Variants in PARD3B observed in about 807,000 individuals in gnomAD.
The protein encoded by PARD3B is partitioning defective 3 homolog B.
PARD3B carries 103 observed loss-of-function variants against 130.2 expected under a neutral mutation model. That is an observed-to-expected ratio of 0.79 (90% CI 0.67 to 0.93). PARD3B has a LOEUF of 0.93. Ranked by LOEUF, PARD3B falls within the 40% of genes least tolerant of loss-of-function variation. The pLI, the probability that PARD3B is intolerant of heterozygous loss-of-function variation, is 0.00. For synonymous variants in PARD3B, 583 were observed against 553.2 expected (o/e 1.05, Z -0.76); for missense variants, 1,609 against 1,499.2 (o/e 1.07, Z -1.21).
chr2:204,545,553 GCGCCGC>G lies in PARD3B; in HGVS notation c.-433_-428del, dbSNP rs906253901. On this transcript the variant is annotated 5_prime_UTR_variant, in exon 1 of 23. Coordinates refer to ENST00000406610, the MANE Select transcript of PARD3B (RefSeq NM_001302769.2). ...AGTTTCCTCCCAACTCTGGCCCCGTGCGCCGCCGCCGCCGCCGCCCACTCCAGCCCC... is the reference window on the plus strand; with the variant it reads ...AGTTTCCTCCCAACTCTGGCCCCGTGCGCCGCCGCCGCCCACTCCAGCCCC... 6.6e-6 allele frequency among the ~76,000 whole-genome samples: 1 copy of G among 151,950 alleles called. No individual in the cohort carries two copies. Among genetic ancestry groups the G allele is most frequent in the African/African-American group, 2.4e-5 (1 of 41,416 alleles).
chr2:205,178,730 C>T (rs2035625961), intron 13 of PARD3B, among the ~76,000 whole-genome samples: 1 of 152,176 alleles, frequency 6.6e-6, no homozygotes, highest in African/African-American at 2.4e-5. Flanking sequence ...TAAATGAACA[C>T]TAAGTACCTT....
Position 205,244,530 on chromosome 2 carries a change from T to G in PARD3B, c.2141-1248T>G, listed in dbSNP as rs527846613. Among the ~76,000 whole-genome samples, 1 of 152,330 alleles carries G rather than the reference T, an allele frequency of 6.6e-6. No homozygotes were observed. Among genetic ancestry groups the G allele is most frequent in the South Asian group, 2.1e-4 (1 of 4,830 alleles). On this transcript the variant is annotated intron_variant, in intron 15 of 22. Coordinates refer to ENST00000406610, the MANE Select transcript of PARD3B (RefSeq NM_001302769.2). This position sits in a 1 kb window ranked among gnomAD's most constrained non-coding sequence, Gnocchi z 4.7. ...TAGTATCTGGGTAACACTAGCCTCA[T>G]AGAGTGGCTTGGGAAATCCTCTCTC...
intron 18 of PARD3B, among the ~76,000 whole-genome samples, chr2:205,377,192 G>C (rs2045092952): frequency 6.6e-6 from 1 of 152,164 alleles, no homozygotes; most frequent in Non-Finnish European, 1.5e-5. Context: ...TTAGTGAAAG[G>C]AAATGCAACC....
chr2:204,926,420 G>A (rs1390218655), intron 2 of PARD3B, among the ~76,000 whole-genome samples: 1 of 152,058 alleles, frequency 6.6e-6, no homozygotes, highest in Non-Finnish European at 1.5e-5. Flanking sequence ...GTTCCTAGGT[G>A]AAATTGTTCT....
intron 2 of PARD3B, among the ~76,000 whole-genome samples, chr2:204,930,172 T>TA (rs1306075369): frequency 6.6e-6 from 1 of 151,964 alleles, no homozygotes. Context: ...TTTTTATTCT[T>TA]AAAAAACCCT....
rs1553634032 is a variant in PARD3B, at chr2:205,183,730, T to TTTTGTG, written c.1925-2033_1925-2032insTTGTGT. Among the ~76,000 whole-genome samples the TTTTGTG allele has an allele frequency of 1.4e-5, 2 of 138,160 alleles. No individual in the cohort carries two copies. Among genetic ancestry groups the TTTTGTG allele is most frequent in the African/African-American group, 2.7e-5 (1 of 37,068 alleles). The allele number at this position is 138,160 out of a possible 152,430, so 90.6% of individuals were successfully genotyped here. On this transcript the variant is annotated intron_variant, in intron 13 of 22. Coordinates refer to ENST00000406610, the MANE Select transcript of PARD3B (RefSeq NM_001302769.2). The surrounding 1 kb of genome is among the most constrained non-coding windows in gnomAD (Gnocchi z 5.2). ...GGTTCTGCAGAGAAACAGAACCAAG[T>TTTTGTG]TGTGTGTGTGTGTGTGTGTGTGTGT... is the stretch of plus-strand genomic sequence containing the variant.
intron 1 of PARD3B, among the ~76,000 whole-genome samples, chr2:204,607,632 A>G (rs1194404281): frequency 1.3e-5 from 2 of 152,054 alleles, no homozygotes; most frequent in South Asian, 2.1e-4. Context: ...TTTAAAAAAA[A>G]GGATTATACA....
chr2:205,464,504 C>T (rs2048557529), intron 20 of PARD3B, among the ~76,000 whole-genome samples: 1 of 152,144 alleles, frequency 6.6e-6, no homozygotes, highest in East Asian at 1.9e-4. Flanking sequence ...ACAGCTAGAG[C>T]AGCCAGAGAG....
chr2:205,471,379 G>C (rs1192182004), intron 20 of PARD3B, among the ~76,000 whole-genome samples: 2 of 66,450 alleles, frequency 3.0e-5, no homozygotes, highest in African/African-American at 1.8e-4. Flanking sequence ...TTTTTTTTCT[G>C]AGACAGAGTT....
At chr2:204,895,472 T>A (rs955021185) in intron 2 of PARD3B, among the ~76,000 whole-genome samples, 5 of 152,108 alleles carry the variant, frequency 3.3e-5, no homozygotes, top group African/African-American at 1.2e-4. Context: ...ATCAGGTATT[T>A]AACCGATATA....
chr2:204,957,728 G>T (rs971830424), intron 2 of PARD3B, among the ~76,000 whole-genome samples: 1 of 152,024 alleles, frequency 6.6e-6, no homozygotes, highest in East Asian at 1.9e-4. Flanking sequence ...TTGTTATTTA[G>T]TTACAAGCAG....
Position 204,563,747 on chromosome 2 carries a change from A to G in PARD3B, c.120+17628A>G, listed in dbSNP as rs76876266. 7.6e-4 allele frequency among the ~76,000 whole-genome samples: 116 copies of G among 152,096 alleles called. No individual in the cohort carries two copies. The East Asian group carries it at 0.02, about 26-fold the overall frequency. On this transcript the variant is annotated intron_variant, in intron 1 of 22. Coordinates refer to ENST00000406610, the MANE Select transcript of PARD3B (RefSeq NM_001302769.2). ...GAGACTCATGTATGTCCTAAATTCT[A>G]TCTCATGTCACATCCTTTGTGGTCT...
chr2:205,526,700 A>G (rs184457744), intron 21 of PARD3B, among the ~76,000 whole-genome samples: 58 of 152,314 alleles, frequency 3.8e-4, no homozygotes, highest in African/African-American at 1.2e-3. Flanking sequence ...TTGACATGAA[A>G]AAAAATTAAA....
At chr2:204,754,870 A>C (rs1003672363) in intron 2 of PARD3B, among the ~76,000 whole-genome samples, 9 of 152,104 alleles carry the variant, frequency 5.9e-5, no homozygotes, top group African/African-American at 2.2e-4. Flanking sequence ...TCAAAATATA[A>C]TGGCTTTATT....
chr2:204,827,037 A>G (rs918591051), intron 2 of PARD3B, among the ~76,000 whole-genome samples: 3 of 152,056 alleles, frequency 2.0e-5, no homozygotes, highest in African/African-American at 7.2e-5. Context: ...AAAAATCTAT[A>G]TTCTCATAGG....
intron 16 of PARD3B, among the ~76,000 whole-genome samples, chr2:205,286,861 T>C (rs778735149): frequency 1.3e-5 from 2 of 152,228 alleles, no homozygotes; most frequent in Non-Finnish European, 1.5e-5. Context: ...TAGCAAGAAT[T>C]GATTTTACCT....
At chr2:204,634,579 G>A (rs113785046) in intron 1 of PARD3B, among the ~76,000 whole-genome samples, 374 of 152,142 alleles carry the variant, frequency 2.5e-3, no homozygotes, top group African/African-American at 8.6e-3. Flanking sequence ...ATTTGTTGAA[G>A]AAACAGGATC....
intron 21 of PARD3B, among the ~76,000 whole-genome samples, chr2:205,517,981 T>C (rs2050865412): frequency 6.6e-6 from 1 of 152,208 alleles, no homozygotes; most frequent in Non-Finnish European, 1.5e-5. Flanking sequence ...TTGCATTTGC[T>C]GAGGATTGAT....
chr2:205,058,893 C>A (rs1393121014), intron 4 of PARD3B, among the ~76,000 whole-genome samples: 1 of 151,588 alleles, frequency 6.6e-6, no homozygotes, highest in Non-Finnish European at 1.5e-5. Context: ...TTTACATTGC[C>A]CCTTCACTCT....
Sources: gnomAD v4.1 joint callset for allele counts (sites outside exome capture counted in the v4.1 genomes callset) on GRCh38, gnomAD v4.1.1 for gene constraint, Gnocchi (gnomAD v3.1) non-coding constraint, MANE v1.5 for transcripts, NCBI Gene and HGNC (gene_info 2026-07-23, HGNC 2026-07-21) for gene names.